Variants in IKZF1 observed in about 807,000 individuals in gnomAD.
IKZF1 encodes DNA-binding protein Ikaros.
A neutral mutation model predicts 51.7 loss-of-function variants in IKZF1; 10 were observed. That is an observed-to-expected ratio of 0.19 (90% CI 0.12 to 0.33). The LOEUF is 0.33. IKZF1 is among the 10% of genes least tolerant of loss of function. IKZF1 has a pLI of 1.00. For synonymous variants in IKZF1, 280 were observed against 282.3 expected (o/e 0.99, Z 0.08); for missense variants, 484 against 707.5 (o/e 0.68, Z 3.58).
chr7:50,354,749 G>A (rs1023991036), intron 3 of IKZF1, among the ~76,000 whole-genome samples: 4 of 151,998 alleles, frequency 2.6e-5, no homozygotes, highest in Non-Finnish European at 4.4e-5. Flanking sequence ...CATACCGTTG[G>A]TTACAGGCCC....
At chr7:50,337,522 A>G (rs1385900357) in intron 3 of IKZF1, among the ~76,000 whole-genome samples, 2 of 152,248 alleles carry the variant, frequency 1.3e-5, no homozygotes, top group East Asian at 3.9e-4. Context: ...TTATAGCAGC[A>G]ACGTCACCAC....
intron 3 of IKZF1, among the ~76,000 whole-genome samples, chr7:50,339,174 T>G (rs1798465365): frequency 6.6e-6 from 1 of 150,868 alleles, no homozygotes; most frequent in African/African-American, 2.4e-5. Flanking sequence ...CAGCTGAAAT[T>G]TGACAGTGAA....
chr7:50,344,515 A>G (rs949122058), intron 3 of IKZF1, among the ~76,000 whole-genome samples: 2 of 152,182 alleles, frequency 1.3e-5, no homozygotes, highest in African/African-American at 2.4e-5. Context: ...ACAACTTCCA[A>G]ACTATTTGCC....
intron 3 of IKZF1, among the ~76,000 whole-genome samples, chr7:50,342,837 C>T (rs1025801954): frequency 2.0e-5 from 3 of 152,176 alleles, no homozygotes; most frequent in Non-Finnish European, 1.5e-5. Context: ...TGCTGCTAAC[C>T]GCTGCTCTTC....
chr7:50,360,834 G>A (rs960842125), intron 3 of IKZF1, among the ~76,000 whole-genome samples: 3 of 152,144 alleles, frequency 2.0e-5, no homozygotes, highest in Non-Finnish European at 2.9e-5. Flanking sequence ...TCTGCCCGGC[G>A]CTGCCCCAGC....
chr7:50,388,707 G>GTTAT (rs1814132764), intron 6 of IKZF1: 1 of 152,224 alleles, frequency 6.6e-6, no homozygotes, highest in African/African-American at 2.4e-5. Context: ...TAATGTAACA[G>GTTAT]TTATTAATTC....
chr7:50,329,992 C>T (rs577067219), intron 3 of IKZF1, among the ~76,000 whole-genome samples: 16 of 152,154 alleles, frequency 1.1e-4, no homozygotes, highest in African/African-American at 4.8e-5. Flanking sequence ...CTGTCCCTTA[C>T]GGACGTCATA....
At chr7:50,364,748 C>T (rs1231487792) in intron 3 of IKZF1, among the ~76,000 whole-genome samples, 1 of 152,230 alleles carries the variant, frequency 6.6e-6, no homozygotes, top group African/African-American at 2.4e-5. Context: ...CTGGGGCCAG[C>T]TGGCTCCTAG....
intron 3 of IKZF1, among the ~76,000 whole-genome samples, chr7:50,356,024 A>C (rs975779269): frequency 6.6e-6 from 1 of 152,160 alleles, no homozygotes; most frequent in Non-Finnish European, 1.5e-5. Context: ...CAGATGGGTT[A>C]ATTCACTGTG....
intron 4 of IKZF1, among the ~76,000 whole-genome samples, chr7:50,379,448 G>T (rs1327959194): frequency 6.6e-6 from 1 of 152,208 alleles, no homozygotes; most frequent in Admixed American, 6.5e-5. Flanking sequence ...ATCGGCACCA[G>T]CACGTCACTT....
At chr7:50,392,679 C>T (rs563055095) in intron 7 of IKZF1, among the ~76,000 whole-genome samples, 11 of 152,300 alleles carry the variant, frequency 7.2e-5, no homozygotes, top group Non-Finnish European at 1.2e-4. Flanking sequence ...ATTGAGAAAA[C>T]GTTTAGAATC....
intron 3 of IKZF1, among the ~76,000 whole-genome samples, chr7:50,334,514 G>T (rs1375218690): frequency 1.3e-5 from 2 of 150,142 alleles, no homozygotes; most frequent in Admixed American, 6.6e-5. Context: ...TATGTGTGTG[G>T]TGTGTGTGTG....
intron 4 of IKZF1, 90 bp from the exon 5 acceptor site, chr7:50,382,450 G>A (rs1812103315): frequency 6.8e-7 from 1 of 1,461,872 alleles, no homozygotes; most frequent in Non-Finnish European, 9.1e-7. Flanking sequence ...GAAGTCACCA[G>A]GCCCCCGTGG....
At chr7:50,361,668 G>C (rs1321771501) in intron 3 of IKZF1, among the ~76,000 whole-genome samples, 1 of 152,206 alleles carries the variant, frequency 6.6e-6, no homozygotes, top group Non-Finnish European at 1.5e-5. Flanking sequence ...ACAAGGTCAA[G>C]AGATCGAGAC....
At chr7:50,399,201 C>CA (rs1334157143) in intron 7 of IKZF1, among the ~76,000 whole-genome samples, 1 of 152,220 alleles carries the variant, frequency 6.6e-6, no homozygotes, top group Admixed American at 6.5e-5. Context: ...TCCTACCCTC[C>CA]ACCACATGTT....
chr7:50,357,819 G>A (rs749940383), intron 3 of IKZF1, among the ~76,000 whole-genome samples: 1 of 152,202 alleles, frequency 6.6e-6, no homozygotes, highest in Non-Finnish European at 1.5e-5. Context: ...GAGGCAACGA[G>A]TTAAGAAATG....
chr7:50,339,756 A>G (rs1001002759), intron 3 of IKZF1, among the ~76,000 whole-genome samples: 2 of 152,076 alleles, frequency 1.3e-5, no homozygotes, highest in Non-Finnish European at 2.9e-5. Context: ...CAAAAAAAAA[A>G]AAAGAAAGAA....
intron 4 of IKZF1, among the ~76,000 whole-genome samples, chr7:50,380,640 C>A (rs1197468859): frequency 1.3e-5 from 2 of 152,236 alleles, no homozygotes. Context: ...TGAGAGGCCA[C>A]CCTGTCCAAA....
At chr7:50,369,863 A>G (rs1411887490) in intron 3 of IKZF1, among the ~76,000 whole-genome samples, 3 of 152,220 alleles carry the variant, frequency 2.0e-5, no homozygotes, top group African/African-American at 7.2e-5. Flanking sequence ...TAACGAAAAA[A>G]GTATTTTCTA....
Sources: allele counts gnomAD v4.1 joint callset (sites outside exome capture counted in the v4.1 genomes callset), GRCh38; gene constraint gnomAD v4.1.1; transcripts MANE v1.5; gene names NCBI Gene and HGNC (gene_info 2026-07-23, HGNC 2026-07-21).